LUZP2: variants seen among roughly 807,000 people sequenced by gnomAD.
LUZP2 encodes the protein leucine zipper protein 2.
In LUZP2, 52 loss-of-function variants were observed where a neutral mutation model predicts 51.6. The observed-to-expected ratio is 1.01, with a 90% confidence interval of 0.81 to 1.27. The LOEUF (loss-of-function observed/expected upper bound fraction) is 1.27. Ranked by LOEUF, LUZP2 falls within the 50% of genes most tolerant of loss-of-function variation. LUZP2 has a pLI of 0.00. For synonymous variants in LUZP2, 154 were observed against 137.3 expected, an observed-to-expected ratio of 1.12 and a Z score of -0.85; for missense variants, 436 against 395.4, an observed-to-expected ratio of 1.10 and a Z score of -0.87.
chr11:24,874,796 T>A (rs1004090878), intron 5 of LUZP2, among the ~76,000 whole-genome samples: 6 of 152,180 alleles, frequency 3.9e-5, no homozygotes, highest in Admixed American at 6.5e-5. Context: ...GAAAATGTGT[T>A]ATTTACCCCT....
At chr11:24,907,321 A>T (rs1322207498) in intron 6 of LUZP2, among the ~76,000 whole-genome samples, 1 of 151,650 alleles carries the variant, frequency 6.6e-6, no homozygotes, top group Non-Finnish European at 1.5e-5. Flanking sequence ...AAAAACATTA[A>T]CACAAATACA....
intron 1 of LUZP2, among the ~76,000 whole-genome samples, chr11:24,646,314 T>C (rs990630100): frequency 6.6e-6 from 1 of 152,092 alleles, no homozygotes. Context: ...AGTTTTATTA[T>C]TGTTCAAAAT....
chr11:24,977,342 C>T (rs1386623625), intron 8 of LUZP2, among the ~76,000 whole-genome samples: 1 of 151,398 alleles, frequency 6.6e-6, no homozygotes, highest in African/African-American at 2.4e-5. Flanking sequence ...TAATATTTAA[C>T]AGTTGTTTAA....
At chr11:25,002,406 G>C (rs557107659) in intron 9 of LUZP2, among the ~76,000 whole-genome samples, 2 of 152,320 alleles carry the variant, frequency 1.3e-5, no homozygotes, top group East Asian at 3.9e-4. Flanking sequence ...TCCTCTGGGA[G>C]AAAAGTGGCA....
At chr11:25,032,459 T>G (rs1215972289) in intron 9 of LUZP2, among the ~76,000 whole-genome samples, 1 of 152,186 alleles carries the variant, frequency 6.6e-6, no homozygotes, top group Non-Finnish European at 1.5e-5. Context: ...TATTTTAGTA[T>G]TATTGACATG....
intron 10 of LUZP2, among the ~76,000 whole-genome samples, chr11:25,069,600 T>TA (rs1286002376): frequency 6.6e-6 from 1 of 151,672 alleles, no homozygotes; most frequent in Non-Finnish European, 1.5e-5. Flanking sequence ...AATATATACA[T>TA]AAAATAGCAG....
At chr11:24,629,930 T>A (rs867745470) in intron 1 of LUZP2, among the ~76,000 whole-genome samples, 5 of 152,196 alleles carry the variant, frequency 3.3e-5, no homozygotes, top group South Asian at 4.1e-4. Flanking sequence ...TTAATTTGCA[T>A]TTCTCTGATG....
intron 1 of LUZP2, among the ~76,000 whole-genome samples, chr11:24,701,989 C>A (rs1857434061): frequency 6.6e-6 from 1 of 152,058 alleles, no homozygotes; most frequent in Admixed American, 6.5e-5. Context: ...TAAAGAAAAC[C>A]ACTCCTTGAC....
At chr11:24,699,125 A>ACACC (rs987566280) in intron 1 of LUZP2, among the ~76,000 whole-genome samples, 4 of 150,136 alleles carry the variant, frequency 2.7e-5, no homozygotes, top group African/African-American at 9.9e-5. Flanking sequence ...ACACACACAC[A>ACACC]CACGAAACAA....
At chr11:24,886,358 T>A (rs775768598) in intron 5 of LUZP2, among the ~76,000 whole-genome samples, 23 of 152,192 alleles carry the variant, frequency 1.5e-4, no homozygotes, top group Non-Finnish European at 1.9e-4. Flanking sequence ...TTGGTCTTTT[T>A]CTCTATTATT....
At position 24,943,410 on chromosome 11, in the gene LUZP2, T is replaced by C. The variant is rs539407484; in HGVS notation, c.522+28872T>C. 8.5e-5 allele frequency among the ~76,000 whole-genome samples: 13 copies of C among 152,142 alleles called. 1 individual carries two copies. The highest frequency in any genetic ancestry group is 1.8e-4 in the Non-Finnish European group (12 of 68,018). On this transcript the variant is annotated intron_variant, in intron 7 of 11. Coordinates refer to ENST00000336930, the MANE Select transcript of LUZP2 (RefSeq NM_001009909.4). The stretch of plus-strand genomic sequence containing the variant: ...GCTCTTTGGTTCAATTAGGAAAACA[T>C]TGTATTTGTCCAATTAATTCTCCTC...
chr11:24,784,584 T>C (rs1849185486), intron 5 of LUZP2, among the ~76,000 whole-genome samples: 1 of 151,978 alleles, frequency 6.6e-6, no homozygotes, highest in Non-Finnish European at 1.5e-5. Flanking sequence ...TTCCAATCTG[T>C]TTTTGTTTTC....
chr11:24,889,734 A>G (rs1852787912), intron 5 of LUZP2, among the ~76,000 whole-genome samples: 3 of 152,168 alleles, frequency 2.0e-5, no homozygotes, highest in African/African-American at 7.2e-5. Flanking sequence ...AAATACTGAA[A>G]TGTTCTGATT....
At chr11:24,605,493 A>G (rs199979883) in intron 1 of LUZP2, among the ~76,000 whole-genome samples, 1 of 151,702 alleles carries the variant, frequency 6.6e-6, no homozygotes, top group Middle Eastern at 3.2e-3. Flanking sequence ...AATAAAATGA[A>G]TATATCTCAA....
intron 9 of LUZP2, among the ~76,000 whole-genome samples, chr11:24,985,931 G>T (rs896335348): frequency 6.6e-6 from 1 of 151,674 alleles, no homozygotes; most frequent in Non-Finnish European, 1.5e-5. Context: ...AAGAGATGAG[G>T]TCTGCAAAGT....
chr11:24,566,909 A>G (rs1230768700), intron 1 of LUZP2, among the ~76,000 whole-genome samples: 1 of 2,914 alleles, frequency 3.4e-4, no homozygotes, highest in African/African-American at 1.3e-3. Flanking sequence ...TATGTTATAT[A>G]TATATATATG....
intron 10 of LUZP2, among the ~76,000 whole-genome samples, chr11:25,065,654 A>G (rs1858978317): frequency 6.6e-6 from 1 of 152,038 alleles, no homozygotes; most frequent in Non-Finnish European, 1.5e-5. Flanking sequence ...TCCAAGAGTC[A>G]CAGTTCCATT....
intron 7 of LUZP2, among the ~76,000 whole-genome samples, chr11:24,920,477 A>G (rs766684594): frequency 2.6e-5 from 4 of 152,068 alleles, no homozygotes; most frequent in African/African-American, 4.8e-5. Flanking sequence ...TTAAATCAAA[A>G]CTTATCTGCA....
rs767731903 is a variant in LUZP2, at chr11:24,795,701, C to T, written c.396+32393C>T. ...CCACAGTTCCTCTCCTCTGTTTTTACGGTGTGCTTATGTAATTTGGGTTTA... is the reference window on the plus strand; with the variant it reads ...CCACAGTTCCTCTCCTCTGTTTTTATGGTGTGCTTATGTAATTTGGGTTTA... On this transcript the variant is annotated intron_variant, in intron 5 of 11. Coordinates refer to ENST00000336930, the MANE Select transcript of LUZP2 (RefSeq NM_001009909.4). 3.3e-5 allele frequency among the ~76,000 whole-genome samples: 5 copies of T among 152,164 alleles called. No individual in the cohort carries two copies. The East Asian group carries it at 5.8e-4, about 18-fold the overall frequency.
Sources: allele counts gnomAD v4.1 joint callset (sites outside exome capture counted in the v4.1 genomes callset), GRCh38; gene constraint gnomAD v4.1.1; transcripts MANE v1.5; gene names NCBI Gene and HGNC (gene_info 2026-07-23, HGNC 2026-07-21).